Variants in HEPH observed in about 807,000 individuals in gnomAD.
HEPH encodes hephaestin.
Under a neutral mutation model 80.8 loss-of-function variants are expected in HEPH, and 69 were observed. That is an observed-to-expected ratio of 0.85 (90% confidence interval 0.70 to 1.04). The LOEUF (loss-of-function observed/expected upper bound fraction) is 1.04. Ranked by LOEUF, HEPH falls within the 50% of genes least tolerant of loss-of-function variation. HEPH has a pLI of 0.00. For missense variants in HEPH, 1,115 were observed against 891.3 expected (o/e 1.25, Z -3.20); for synonymous variants, 431 against 322.8 (o/e 1.34, Z -3.60).
intron 4 of HEPH, 136 bp from the exon 5 acceptor site, chrX:66,188,223 G>T (rs1036173140): frequency 4.2e-6 from 2 of 472,911 alleles, no homozygotes; most frequent in Non-Finnish European, 7.0e-6. Flanking sequence ...TAATCTAAGA[G>T]GGTTATTTCT....
chrX:66,258,698 GA>G (rs1348091370), intron 17 of HEPH, 141 bp from the exon 18 acceptor site: 4 of 418,834 alleles, frequency 9.6e-6, no homozygotes, highest in African/African-American at 2.5e-5. Context: ...GGGACAGATG[GA>G]AAAAAGATGA....
chrX:66,207,872 G>A (rs1026715177), intron 14 of HEPH, among the ~76,000 whole-genome samples: 1 of 111,022 alleles, frequency 9.0e-6, no homozygotes, highest in African/African-American at 3.3e-5. Context: ...GGTGGGAAAA[G>A]TGGAGGTAAT....
Position 66,239,568 on chromosome X carries a change from A to T in HEPH, c.2564-15467A>T, listed in dbSNP as rs375784268. ...TCACATAATCATTTTGGGGTCCTAG[A>T]TATTTTAATTGTTGTTCTACTTCAT... On this transcript the variant is annotated intron_variant, in intron 15 of 20. Transcript: ENST00000343002. Among the ~76,000 whole-genome samples, 11 of 111,339 alleles carry T rather than the reference A, an allele frequency of 9.9e-5. No individual in the cohort carries two copies. The East Asian group carries it at 2.5e-3, about 26-fold the overall frequency.
At chrX:66,220,593 T>C in intron 15 of HEPH, among the ~76,000 whole-genome samples, 1 of 111,916 alleles carries the variant, frequency 8.9e-6, no homozygotes, top group Non-Finnish European at 1.9e-5. Context: ...TTCCACACAG[T>C]CCTAACTCAT....
At chrX:66,208,643 T>C (rs1359291164) in intron 15 of HEPH, among the ~76,000 whole-genome samples, 8 of 60,957 alleles carry the variant, frequency 1.3e-4, no homozygotes, top group Admixed American at 1.7e-4. Context: ...TATATATATA[T>C]ATATATATAT....
chrX:66,197,951 G>C (rs1468121840), intron 10 of HEPH, 57 bp downstream of exon 10: 1 of 1,023,647 alleles, frequency 9.8e-7, no homozygotes, highest in Non-Finnish European at 1.3e-6. Flanking sequence ...AAGCTGGGTT[G>C]CTGGATAGGA....
intron 13 of HEPH, among the ~76,000 whole-genome samples, chrX:66,204,417 C>G (rs1245277654): frequency 8.9e-6 from 1 of 112,297 alleles, no homozygotes; most frequent in African/African-American, 3.2e-5. Context: ...GCAATTTTTA[C>G]TCTTTGCGTT....
chrX:66,180,626 C>CT (rs750869732), intron 4 of HEPH, among the ~76,000 whole-genome samples: 3,316 of 32,260 alleles, frequency 0.1, 291 homozygotes, highest in African/African-American at 0.27. Context: ...CCCAGGTGTT[C>CT]TTTTTTTTTT....
intron 15 of HEPH, among the ~76,000 whole-genome samples, chrX:66,228,942 T>C (rs1052572718): frequency 2.7e-5 from 3 of 112,457 alleles, no homozygotes; most frequent in African/African-American, 3.2e-5. Context: ...AAATGTAAAC[T>C]AGTACAGCCT....
At chrX:66,235,135 A>G (rs764835561) in intron 15 of HEPH, among the ~76,000 whole-genome samples, 4 of 111,477 alleles carry the variant, frequency 3.6e-5, no homozygotes, top group South Asian at 7.5e-4. Flanking sequence ...ACTTTTTTCA[A>G]TTCTGTAGGT....
intron 13 of HEPH, among the ~76,000 whole-genome samples, chrX:66,205,974 A>C (rs1171303962): frequency 1.8e-5 from 2 of 111,257 alleles, no homozygotes; most frequent in Non-Finnish European, 3.8e-5. Flanking sequence ...TAACAATGTC[A>C]CTTGTAGAAT....
At chrX:66,230,763 A>G (rs1602438949) in intron 15 of HEPH, among the ~76,000 whole-genome samples, 1 of 106,136 alleles carries the variant, frequency 9.4e-6, no homozygotes, top group African/African-American at 3.5e-5. Context: ...TTTGCTGTGC[A>G]GAAGCTCTTG....
At chrX:66,198,423 A>G (rs184490600) in intron 10 of HEPH, among the ~76,000 whole-genome samples, 1 of 112,181 alleles carries the variant, frequency 8.9e-6, no homozygotes, top group East Asian at 2.8e-4. Context: ...ACCCATATAA[A>G]GTGCCTAGCA....
chrX:66,204,759 C>A (rs2088667843), intron 13 of HEPH, among the ~76,000 whole-genome samples: 4 of 111,985 alleles, frequency 3.6e-5, no homozygotes, highest in African/African-American at 1.3e-4. Context: ...TATTTAGTTC[C>A]TCTCACTTGT....
At chrX:66,178,217 A>C (rs1282752041) in intron 4 of HEPH, among the ~76,000 whole-genome samples, 1 of 111,399 alleles carries the variant, frequency 9.0e-6, no homozygotes, top group Non-Finnish European at 1.9e-5. Context: ...TCCTTGCAAT[A>C]GTTTGCTAAG....
At chrX:66,249,828 A>C (rs2090942584) in intron 15 of HEPH, among the ~76,000 whole-genome samples, 1 of 111,749 alleles carries the variant, frequency 8.9e-6, no homozygotes, top group Admixed American at 9.5e-5. Flanking sequence ...TGCTAAGTGG[A>C]TTCTGATGCT....
At chrX:66,207,847 T>C (rs1019327146) in intron 14 of HEPH, among the ~76,000 whole-genome samples, 13 of 111,231 alleles carry the variant, frequency 1.2e-4, no homozygotes, top group South Asian at 1.2e-3. Context: ...TGGGCTGTTA[T>C]AGATAGAGGG....
At chrX:66,219,348 G>A (rs2089539212) in intron 15 of HEPH, among the ~76,000 whole-genome samples, 1 of 111,994 alleles carries the variant, frequency 8.9e-6, no homozygotes, top group Non-Finnish European at 1.9e-5. Flanking sequence ...TTCTAACTAT[G>A]TCTTCAACTA....
intron 15 of HEPH, among the ~76,000 whole-genome samples, chrX:66,241,239 G>T: frequency 9.0e-6 from 1 of 111,627 alleles, no homozygotes; most frequent in Non-Finnish European, 1.9e-5. Flanking sequence ...ATGATGATAG[G>T]ATCAAATCTC....
Sources: gnomAD v4.1 joint callset for allele counts (sites outside exome capture counted in the v4.1 genomes callset) on GRCh38, gnomAD v4.1.1 for gene constraint, MANE v1.5 for transcripts, NCBI Gene and HGNC (gene_info 2026-07-23, HGNC 2026-07-21) for gene names.